Variants in TCF7L2 observed in about 807,000 individuals in gnomAD.
The protein encoded by TCF7L2 is transcription factor 7 like 2, also known as transcription factor 7-like 2.
Under a neutral mutation model 77.9 loss-of-function variants are expected in TCF7L2, and 23 were observed. That is an observed-to-expected ratio of 0.30 (90% confidence interval 0.21 to 0.42). The LOEUF is 0.42. TCF7L2 is among the 10% of genes least tolerant of loss of function. The pLI is 1.00. For synonymous variants in TCF7L2, 413 were observed against 340.2 expected, an observed-to-expected ratio of 1.21 and a Z score of -2.36; for missense variants, 654 against 793.1, an observed-to-expected ratio of 0.82 and a Z score of 2.11.
chr10:113,108,883 T>C (rs1322931126), intron 5 of TCF7L2, among the ~76,000 whole-genome samples: 4 of 152,234 alleles, frequency 2.6e-5, no homozygotes, highest in Admixed American at 2.6e-4. Flanking sequence ...CATTTAATTT[T>C]CGTTTTGCCA....
intron 5 of TCF7L2, among the ~76,000 whole-genome samples, chr10:113,064,315 T>C (rs1255824537): frequency 6.6e-6 from 1 of 152,252 alleles, no homozygotes; most frequent in East Asian, 1.9e-4. Context: ...TTCCGTGCTC[T>C]GCAGAAGGTT....
Position 113,166,006 on chromosome 10 carries a change from G to A in TCF7L2, c.*34G>A, listed in dbSNP as rs2137659342. 7.0e-7 allele frequency: 1 copy of A among 1,425,868 alleles called. No homozygotes were observed. Among genetic ancestry groups the A allele is most frequent in the Non-Finnish European group, 9.2e-7 (1 of 1,084,940 alleles). 88.3% of individuals were successfully genotyped at this position (1,425,868 alleles called of 1,614,324 possible). A position where few individuals can be genotyped will look rare whatever the true frequency, so the allele number is the denominator to read the frequency against. On this transcript the variant is annotated 3_prime_UTR_variant, in exon 14 of 14. Transcript: ENST00000627217. The stretch of plus-strand genomic sequence containing the variant: ...TCGTGAACCCCGCTGCTTTGTTTAT[G>A]GTTTTGTTTCACTTTTCTTAATTTG...
At chr10:113,162,746 A>G (rs1342664823) in intron 13 of TCF7L2, among the ~76,000 whole-genome samples, 1 of 152,182 alleles carries the variant, frequency 6.6e-6, no homozygotes, top group East Asian at 1.9e-4. Flanking sequence ...TTTCCATACC[A>G]TGGAATGATT....
intron 5 of TCF7L2, among the ~76,000 whole-genome samples, chr10:113,070,101 C>A (rs1453548057): frequency 6.6e-6 from 1 of 151,606 alleles, no homozygotes; most frequent in Admixed American, 6.6e-5. Context: ...ATTAAAAATA[C>A]AAAAATCAGC....
intron 5 of TCF7L2, among the ~76,000 whole-genome samples, chr10:113,138,555 T>C (rs2067791672): frequency 6.6e-6 from 1 of 152,192 alleles, no homozygotes; most frequent in Non-Finnish European, 1.5e-5. Flanking sequence ...GGATTTGTGC[T>C]TCTTTACTGT....
chr10:113,090,107 C>A (rs1397856191), intron 5 of TCF7L2, among the ~76,000 whole-genome samples: 1 of 152,146 alleles, frequency 6.6e-6, no homozygotes, highest in Non-Finnish European at 1.5e-5. Context: ...TTAAATAATT[C>A]AATACAGTGT....
intron 4 of TCF7L2, among the ~76,000 whole-genome samples, chr10:113,035,996 G>A (rs765045794): frequency 2.0e-5 from 3 of 152,066 alleles, no homozygotes; most frequent in East Asian, 3.9e-4. Context: ...CACTTGCCCC[G>A]TCCATCTGTG....
chr10:113,041,737 G>A (rs559090905), intron 5 of TCF7L2, among the ~76,000 whole-genome samples: 1 of 152,160 alleles, frequency 6.6e-6, no homozygotes, highest in African/African-American at 2.4e-5. Flanking sequence ...TTAAAAAAGT[G>A]TGACAGTTCT....
At chr10:112,999,417 C>A (rs2044078259) in intron 4 of TCF7L2, among the ~76,000 whole-genome samples, 1 of 152,170 alleles carries the variant, frequency 6.6e-6, no homozygotes, top group Non-Finnish European at 1.5e-5. Context: ...GTTTACGAGT[C>A]CTTCTTATTA....
At chr10:113,160,016 C>T (rs756174327) in intron 12 of TCF7L2, 24 bp downstream of exon 14, 1 of 1,611,076 alleles carries the variant, frequency 6.2e-7, no homozygotes, top group Admixed American at 1.7e-5. Flanking sequence ...TCCAGATTCG[C>T]TGTGCTGGTT....
chr10:113,013,889 C>T (rs2046883229), intron 4 of TCF7L2, among the ~76,000 whole-genome samples: 1 of 152,120 alleles, frequency 6.6e-6, no homozygotes, highest in South Asian at 2.1e-4. Flanking sequence ...TTGTTTTAAG[C>T]CACTGTTTTT....
intron 4 of TCF7L2, among the ~76,000 whole-genome samples, chr10:113,024,947 A>G (rs1234245371): frequency 2.6e-5 from 4 of 152,132 alleles, no homozygotes; most frequent in Non-Finnish European, 5.9e-5. Context: ...ATTTTATACA[A>G]TATTTTAAAT....
intron 4 of TCF7L2, among the ~76,000 whole-genome samples, chr10:112,998,340 T>C (rs1470458223): frequency 1.3e-5 from 2 of 152,214 alleles, no homozygotes; most frequent in South Asian, 4.1e-4. Context: ...CTAAAACCTT[T>C]CCAATTTTTT....
At chr10:113,004,007 A>C (rs968801109) in intron 4 of TCF7L2, among the ~76,000 whole-genome samples, 2 of 152,226 alleles carry the variant, frequency 1.3e-5, no homozygotes, top group African/African-American at 4.8e-5. Flanking sequence ...AGCAGAGCTA[A>C]GTTTCCCATT....
intron 5 of TCF7L2, among the ~76,000 whole-genome samples, chr10:113,079,801 G>A (rs940933263): frequency 2.6e-5 from 4 of 152,064 alleles, no homozygotes; most frequent in African/African-American, 7.2e-5. Flanking sequence ...GGGATTACAG[G>A]TGTGTGCCAC....
At chr10:112,996,351 G>C (rs898012014) in intron 4 of TCF7L2, among the ~76,000 whole-genome samples, 1 of 152,174 alleles carries the variant, frequency 6.6e-6, no homozygotes, top group African/African-American at 2.4e-5. Flanking sequence ...TGCCCGAGGA[G>C]AGCCTCAATA....
At chr10:112,962,521 C>T (rs536995386) in intron 3 of TCF7L2, among the ~76,000 whole-genome samples, 2 of 152,292 alleles carry the variant, frequency 1.3e-5, no homozygotes, top group African/African-American at 4.8e-5. Flanking sequence ...TACTGACTGG[C>T]AGTTTTTACA....
chr10:113,146,127 A>G (rs1179467611), intron 8 of TCF7L2, 30 bp downstream of exon 8: 2 of 1,607,324 alleles, frequency 1.2e-6, no homozygotes, highest in Admixed American at 3.3e-5. Flanking sequence ...GCCTTCATCC[A>G]AGGCCATGTG....
chr10:113,013,875 G>A (rs1177035240), intron 4 of TCF7L2, among the ~76,000 whole-genome samples: 1 of 152,086 alleles, frequency 6.6e-6, no homozygotes, highest in African/African-American at 2.4e-5. Context: ...CTCTTTTTTG[G>A]CTATTGTTTT....
Sources: allele counts gnomAD v4.1 joint callset (sites outside exome capture counted in the v4.1 genomes callset), GRCh38; gene constraint gnomAD v4.1.1; transcripts MANE v1.5; gene names NCBI Gene and HGNC (gene_info 2026-07-23, HGNC 2026-07-21).